Variants in TRPC1 observed in about 807,000 individuals in gnomAD.
The protein encoded by TRPC1 is transient receptor potential cation channel subfamily C member 1, also known as short transient receptor potential channel 1.
A neutral mutation model predicts 88.2 loss-of-function variants in TRPC1; 42 were observed. The observed-to-expected ratio is 0.48, with a 90% CI of 0.37 to 0.62. The LOEUF is 0.62. Ranked by LOEUF, TRPC1 falls within the 20% of genes least tolerant of loss-of-function variation. TRPC1 has a pLI of 0.00. For synonymous variants in TRPC1, 288 were observed against 331.8 expected, an observed-to-expected ratio of 0.87 and a Z score of 1.43; for missense variants, 699 against 957.3, an observed-to-expected ratio of 0.73 and a Z score of 3.56.
At chr3:142,752,379 G>A (rs878981137) in intron 4 of TRPC1, among the ~76,000 whole-genome samples, 1 of 152,286 alleles carries the variant, frequency 6.6e-6, no homozygotes. Flanking sequence ...ACGTAGGCCA[G>A]ATTTATGTTT....
At chr3:142,736,598 C>T in intron 2 of TRPC1, 65 bp downstream of exon 2, 2 of 1,332,838 alleles carry the variant, frequency 1.5e-6, no homozygotes, top group Non-Finnish European at 9.9e-7. Context: ...ATGCTTTCTT[C>T]CCTTCTTGTT....
chr3:142,803,271 A>G (rs1936680568), intron 10 of TRPC1, among the ~76,000 whole-genome samples: 1 of 152,226 alleles, frequency 6.6e-6, no homozygotes, highest in African/African-American at 2.4e-5. Flanking sequence ...GGAGCAAGCC[A>G]CGAAGAACAT....
intron 6 of TRPC1, among the ~76,000 whole-genome samples, chr3:142,783,851 T>C (rs1396727784): frequency 1.3e-5 from 2 of 152,186 alleles, no homozygotes. Context: ...CACATGAGTA[T>C]ATATAGAATT....
At chr3:142,801,034 G>A (rs953138869) in intron 9 of TRPC1, among the ~76,000 whole-genome samples, 1 of 151,626 alleles carries the variant, frequency 6.6e-6, no homozygotes, top group African/African-American at 2.4e-5. Flanking sequence ...GCATATTAAA[G>A]CATATCTATA....
intron 4 of TRPC1, among the ~76,000 whole-genome samples, chr3:142,777,341 A>T (rs1159191736): frequency 1.3e-5 from 2 of 152,220 alleles, no homozygotes; most frequent in African/African-American, 2.4e-5. Context: ...GAATTTAATT[A>T]AACTGGATTA....
chr3:142,765,782 CAG>C (rs1258558808), intron 4 of TRPC1, among the ~76,000 whole-genome samples: 1 of 152,052 alleles, frequency 6.6e-6, no homozygotes, highest in Non-Finnish European at 1.5e-5. Flanking sequence ...AGGGAATAAA[CAG>C]ATGATCTATA....
At chr3:142,800,687 T>A (rs1266744808) in intron 9 of TRPC1, among the ~76,000 whole-genome samples, 1 of 151,994 alleles carries the variant, frequency 6.6e-6, no homozygotes, top group East Asian at 1.9e-4. Flanking sequence ...GAAGCTGAGG[T>A]GGGCAGATCA....
Position 142,725,750 on chromosome 3 carries a change from GACTA to G in TRPC1, c.172+1024_172+1027del, listed in dbSNP as rs141691756. ...CAAAGGGCAGTTTACACTATGAAAA[GACTA>G]ACTACACAGGATTTTTGTTTGTTTG... On this transcript the variant is annotated intron_variant, in intron 1 of 12. Coordinates refer to ENST00000476941, the MANE Select transcript of TRPC1 (RefSeq NM_001251845.2). 7.2e-3 allele frequency among the ~76,000 whole-genome samples: 1,095 copies of G among 152,232 alleles called. 31 individuals carry two copies. The East Asian group carries it at 0.09, about 13-fold the overall frequency.
chr3:142,731,407 C>G (rs1036205562), intron 1 of TRPC1, among the ~76,000 whole-genome samples: 2 of 110,084 alleles, frequency 1.8e-5, no homozygotes, highest in African/African-American at 7.6e-5. Context: ...TTTTTTGAGA[C>G]CGAGTCTCGC....
chr3:142,806,585 C>T lies in TRPC1; in HGVS notation c.*350C>T, dbSNP rs1936801741. ...CCAGAATGTTTTGTAAAATGAAGACCAGCAAATGTAGGCTGATCTCCTTCA... is the reference window on the plus strand; with the variant it reads ...CCAGAATGTTTTGTAAAATGAAGACTAGCAAATGTAGGCTGATCTCCTTCA... On this transcript the variant is annotated 3_prime_UTR_variant, in exon 13 of 13. Coordinates refer to ENST00000476941, the MANE Select transcript of TRPC1 (RefSeq NM_001251845.2). 5.9e-6 allele frequency: 1 copy of T among 168,614 alleles called. No homozygotes were observed. The highest frequency in any genetic ancestry group is 5.9e-5 in the Admixed American group (1 of 17,010). The allele number at this position is 168,614 out of a possible 1,614,324, so 10.4% of individuals were successfully genotyped here. A position where few individuals can be genotyped will look rare whatever the true frequency, so the allele number is the denominator to read the frequency against.
chr3:142,792,692 T>C lies in TRPC1; in HGVS notation c.1438-132T>C. 1 of 704,040 alleles carries C rather than the reference T, an allele frequency of 1.4e-6. No homozygotes were observed. Among genetic ancestry groups the C allele is most frequent in the Non-Finnish European group, 2.0e-6 (1 of 490,860 alleles). The allele number at this position is 704,040 out of a possible 1,614,324, so 43.6% of individuals were successfully genotyped here. ...TTATTTCTATTTTTAAAAAACCCTA[T>C]AAAACATAAGTGGAGATCCCCTATA... On this transcript the variant is annotated intron_variant, in intron 8 of 12. Coordinates refer to ENST00000476941, the MANE Select transcript of TRPC1 (RefSeq NM_001251845.2). The surrounding 1 kb of genome is among the most constrained non-coding windows in gnomAD (Gnocchi z 4.0).
At position 142,772,409 on chromosome 3, in the gene TRPC1, C is replaced by T. The variant is rs75502362; in HGVS notation, c.633-5223C>T. Among the ~76,000 whole-genome samples, 1,458 of 152,128 alleles carry T rather than the reference C, an allele frequency of 9.6e-3. 34 individuals carry two copies. The highest frequency in any genetic ancestry group is 0.089 in the East Asian group (460 of 5,156). ...CTGTATTGATATATCTTCAAGTTTG[C>T]TAATTCTTTCTTCTGCCATTTCACA... On this transcript the variant is annotated intron_variant, in intron 4 of 12. Transcript: ENST00000476941.
At chr3:142,764,554 T>G (rs80123857) in intron 4 of TRPC1, among the ~76,000 whole-genome samples, 4,049 of 151,916 alleles carry the variant, frequency 0.027, 82 homozygotes, top group East Asian at 0.065. Flanking sequence ...ATGGCAGGGC[T>G]TTTTTTTCCC....
intron 9 of TRPC1, among the ~76,000 whole-genome samples, chr3:142,795,464 CAG>C (rs1301050312): frequency 6.6e-6 from 1 of 151,620 alleles, no homozygotes; most frequent in African/African-American, 2.4e-5. Flanking sequence ...TCAAAGCAAA[CAG>C]AGAATAGCAG....
Position 142,784,959 on chromosome 3 carries a change from C to T in TRPC1, c.1216C>T (p.Leu406Phe), listed in dbSNP as rs777766823. 1.1e-5 allele frequency: 17 copies of T among 1,613,906 alleles called. No homozygotes were observed. Among genetic ancestry groups the T allele is most frequent in the Non-Finnish European group, 1.4e-5 (17 of 1,179,964 alleles). Residue 406 changes from leucine (L) to phenylalanine (F), a missense_variant, in exon 7 of 13, where the codon CTT becomes TTT. Physicochemically the swap from Leu to Phe is conservative, Grantham distance 22. Around this residue, in one of 4 missense-constraint regions of TRPC1, gnomAD observed 426 missense variants for 641.3 expected, o/e 0.66. Coordinates refer to ENST00000476941, the MANE Select transcript of TRPC1 (RefSeq NM_001251845.2). ...TFLLLLNLYS[L>F]VYNEDKKNTM... The stretch of plus-strand genomic sequence containing the variant: ...TCTGCTGTTGCTTAATCTATACTCT[C>T]TTGTCTACAATGAGGATAAGAAAAA...
intron 6 of TRPC1, among the ~76,000 whole-genome samples, chr3:142,783,113 A>C (rs368396501): frequency 1.3e-5 from 2 of 152,290 alleles, no homozygotes; most frequent in East Asian, 3.9e-4. Context: ...TCCATCTTTC[A>C]CTGCAGACTT....
intron 2 of TRPC1, among the ~76,000 whole-genome samples, chr3:142,742,666 C>T (rs1934397854): frequency 2.6e-5 from 4 of 152,048 alleles, no homozygotes; most frequent in Admixed American, 6.6e-5. Flanking sequence ...ATAATTAGGG[C>T]ATTTTCTTAG....
intron 9 of TRPC1, among the ~76,000 whole-genome samples, chr3:142,799,194 CCTCTGTGTGT>C (rs1446943523): frequency 6.6e-6 from 1 of 151,840 alleles, no homozygotes; most frequent in Non-Finnish European, 1.5e-5. Flanking sequence ...AGGATTTTTT[CCTCTGTGTGT>C]ACTAGTATTA....
In TRPC1 at chr3:142,780,961, C is replaced by T. The variant is rs1480108156; in HGVS notation, c.892C>T (p.Arg298Trp). The part of the protein sequence containing the change: ...HTSSDEPLDK[R>W]GLLEERMNLS... ...GTCTAGTGACGAGCCTCTTGACAAA[C>T]GGGGATTATTAGAAGAAAGAATGAA... The change falls in exon 6 of 13, where the codon CGG becomes TGG. Residue 298 changes from arginine to tryptophan, a missense_variant. Transcript: ENST00000476941. 12 of 1,613,646 alleles carry T rather than the reference C, an allele frequency of 7.4e-6. No individual in the cohort carries two copies. The highest frequency in any genetic ancestry group is 1.3e-5 in the African/African-American group (1 of 75,002).
Sources: gnomAD v4.1 joint callset for allele counts (sites outside exome capture counted in the v4.1 genomes callset) on GRCh38, gnomAD v4.1.1 for gene constraint, gnomAD v4.1.1 regional missense constraint, Gnocchi (gnomAD v3.1) non-coding constraint, MANE v1.5 for transcripts, NCBI Gene and HGNC (gene_info 2026-07-23, HGNC 2026-07-21) for gene names.